DOCK5: variants seen among roughly 807,000 people sequenced by gnomAD.
The protein encoded by DOCK5 is dedicator of cytokinesis protein 5.
In DOCK5, 142 loss-of-function variants were observed where a neutral mutation model predicts 251.8. The observed-to-expected ratio is 0.56, with a 90% CI of 0.49 to 0.65. The LOEUF is 0.65. Among genes scored for constraint, DOCK5 ranks in the 30% least tolerant of loss-of-function variants. The pLI is 0.00. For synonymous variants in DOCK5, 842 were observed against 835.5 expected, an observed-to-expected ratio of 1.01 and a Z score of -0.13; for missense variants, 2,111 against 2,312.3, an observed-to-expected ratio of 0.91 and a Z score of 1.79.
rs1019042321 is a variant in DOCK5 at position 25,225,792 on chromosome 8, C to CA, written c.44-17876dup. 1.3e-5 allele frequency among the ~76,000 whole-genome samples: 2 copies of CA among 151,570 alleles called. 1 individual carries two copies. The highest frequency in any genetic ancestry group is 4.9e-5 in the African/African-American group (2 of 41,176). On this transcript the variant is annotated intron_variant, in intron 1 of 51. Transcript: ENST00000276440. ...TATGCTAAGTGAAATAAGCCAGACA[C>CA]AAAAAAGCACTGTGTGGTTCTACTT...
At position 25,184,826 on chromosome 8, in the gene DOCK5, G is replaced by T. The variant is rs1586208980; in HGVS notation, c.-83G>T. The stretch of plus-strand genomic sequence containing the variant: ...AACATGGCGGAAGCGTCTGGGGCAC[G>T]CAGGAGCGCGGGGCGGCGGCGGCCG... On this transcript the variant is annotated 5_prime_UTR_variant, in exon 1 of 52. Coordinates refer to ENST00000276440, the MANE Select transcript of DOCK5 (RefSeq NM_024940.8). 1.7e-6 allele frequency: 2 copies of T among 1,209,736 alleles called. No individual in the cohort carries two copies. The highest frequency in any genetic ancestry group is 1.6e-5 in the African/African-American group (1 of 63,186). 74.9% of individuals were successfully genotyped at this position (1,209,736 alleles called of 1,614,324 possible).
intron 1 of DOCK5, among the ~76,000 whole-genome samples, chr8:25,207,249 T>A (rs1051708941): frequency 6.6e-6 from 1 of 152,162 alleles, no homozygotes; most frequent in African/African-American, 2.4e-5. Flanking sequence ...TGCCATAGCA[T>A]AGAAGTGCAA....
In DOCK5 at chr8:25,411,139, A is replaced by G. The variant is rs1290345726; in HGVS notation, c.5509-55A>G. 10 of 1,452,266 alleles carry G rather than the reference A, an allele frequency of 6.9e-6. No individual in the cohort carries two copies. In the Admixed American group the frequency reaches 2.0e-4, roughly 29 times the overall value. The allele number at this position is 1,452,266 out of a possible 1,614,324, so 90.0% of individuals were successfully genotyped here. On this transcript the variant is annotated intron_variant, in intron 51 of 51. Transcript: ENST00000276440. ...AATATGAGAAATAGGAGGAGAAGGCAGAATTGGGAAGAAAGCTAAGACCTG... is the reference window on the plus strand; with the variant it reads ...AATATGAGAAATAGGAGGAGAAGGCGGAATTGGGAAGAAAGCTAAGACCTG...
At chr8:25,340,740 G>A in intron 22 of DOCK5, 137 bp from the exon 23 acceptor site, 3 of 714,340 alleles carry the variant, frequency 4.2e-6, no homozygotes, top group Non-Finnish European at 6.9e-6. Context: ...TGAAACTTCA[G>A]ATGACTGGGG....
At chr8:25,375,003 T>C (rs1800939925) in intron 37 of DOCK5, 10 of 1,126,872 alleles carry the variant, frequency 8.9e-6, no homozygotes, top group Non-Finnish European at 1.0e-5. Flanking sequence ...TATAGTACCA[T>C]AGAAGTACTC....
chr8:25,365,023 C>T (rs1042252820), intron 30 of DOCK5, among the ~76,000 whole-genome samples: 1 of 152,184 alleles, frequency 6.6e-6, no homozygotes, highest in African/African-American at 2.4e-5. Context: ...TACACAAATG[C>T]ACATAGACAC....
At chr8:25,297,003 G>A (rs999208835) in intron 7 of DOCK5, among the ~76,000 whole-genome samples, 3 of 152,106 alleles carry the variant, frequency 2.0e-5, no homozygotes, top group African/African-American at 4.8e-5. Context: ...GAAGGAAAAC[G>A]GGGTGGGAGG....
chr8:25,202,872 G>A (rs6986573), intron 1 of DOCK5, among the ~76,000 whole-genome samples: 102,176 of 151,996 alleles, frequency 0.67, 36,030 homozygotes, highest in Non-Finnish European at 0.78. Context: ...GCAATACCCC[G>A]GCAGTTTGTT....
intron 49 of DOCK5, 101 bp from the exon 50 acceptor site, chr8:25,408,701 C>A: frequency 6.9e-7 from 1 of 1,442,342 alleles, no homozygotes; most frequent in Non-Finnish European, 9.5e-7. Flanking sequence ...TCAGTTAAGT[C>A]CTTTTCCAAG....
Position 25,223,460 on chromosome 8 carries a change from G to A in DOCK5, c.44-20214G>A, listed in dbSNP as rs536508477. 1.2e-4 allele frequency among the ~76,000 whole-genome samples: 19 copies of A among 152,294 alleles called. No individual in the cohort carries two copies. In the South Asian group the frequency reaches 2.7e-3, roughly 22 times the overall value. ...CTCTTGAGTATCTGGGACTACAGGCGTGGGCCACCACGCTCAGTTAATTTT... is the reference window on the plus strand; with the variant it reads ...CTCTTGAGTATCTGGGACTACAGGCATGGGCCACCACGCTCAGTTAATTTT... On this transcript the variant is annotated intron_variant, in intron 1 of 51. Transcript: ENST00000276440.
chr8:25,411,712 A>T lies in DOCK5; in HGVS notation c.*414A>T, dbSNP rs1801634901. On this transcript the variant is annotated 3_prime_UTR_variant, in exon 52 of 52. Transcript: ENST00000276440. ...TTATGAAAAGCTGTGCTTGAGACTT[A>T]GGTACTTTTCTCACGTGGACACACT... 6.3e-6 allele frequency: 1 copy of T among 159,310 alleles called. No individual in the cohort carries two copies. Among genetic ancestry groups the T allele is most frequent in the Non-Finnish European group, 1.4e-5 (1 of 73,100 alleles). The allele number at this position is 159,310 out of a possible 1,614,324, so 9.9% of individuals were successfully genotyped here.
intron 1 of DOCK5, among the ~76,000 whole-genome samples, chr8:25,226,968 A>T (rs771828104): frequency 1.3e-5 from 2 of 152,128 alleles, no homozygotes; most frequent in African/African-American, 2.4e-5. Context: ...AAAGGTGACT[A>T]ATTATCTGTG....
chr8:25,190,775 G>GATTTTTTT (rs755511798), intron 1 of DOCK5, among the ~76,000 whole-genome samples: 4 of 53,980 alleles, frequency 7.4e-5, no homozygotes, highest in Non-Finnish European at 1.0e-4. Flanking sequence ...CTTGGTCATG[G>GATTTTTTT]GTTTTTTTTT....
chr8:25,201,080 A>T (rs1324252797), intron 1 of DOCK5, among the ~76,000 whole-genome samples: 1 of 152,002 alleles, frequency 6.6e-6, no homozygotes, highest in Non-Finnish European at 1.5e-5. Flanking sequence ...CTAATTTTTG[A>T]ATTTTTAGTA....
intron 22 of DOCK5, among the ~76,000 whole-genome samples, chr8:25,339,123 T>G (rs1805886420): frequency 6.6e-6 from 1 of 152,140 alleles, no homozygotes; most frequent in African/African-American, 2.4e-5. Flanking sequence ...TAATGGTCAC[T>G]TCAGTGCACT....
intron 40 of DOCK5, among the ~76,000 whole-genome samples, chr8:25,385,347 C>G (rs1378932773): frequency 3.9e-5 from 6 of 152,084 alleles, no homozygotes; most frequent in African/African-American, 1.4e-4. Context: ...AGATGACAGG[C>G]TAGACTCGGG....
intron 10 of DOCK5, among the ~76,000 whole-genome samples, chr8:25,303,195 G>A (rs1372791446): frequency 2.0e-5 from 3 of 152,180 alleles, no homozygotes; most frequent in South Asian, 2.1e-4. Flanking sequence ...CAGACACGCA[G>A]CATTTACTGC....
chr8:25,238,925 T>G (rs1376360507), intron 1 of DOCK5, among the ~76,000 whole-genome samples: 1 of 152,206 alleles, frequency 6.6e-6, no homozygotes, highest in African/African-American at 2.4e-5. Context: ...ATCATAGGGA[T>G]TTCCTTCTAA....
chr8:25,190,497 G>T (rs1801550090), intron 1 of DOCK5, among the ~76,000 whole-genome samples: 1 of 152,104 alleles, frequency 6.6e-6, no homozygotes, highest in African/African-American at 2.4e-5. Flanking sequence ...AGTATCACAG[G>T]CGCTAGTAGT....
Sources: gnomAD v4.1 joint callset for allele counts (sites outside exome capture counted in the v4.1 genomes callset) on GRCh38, gnomAD v4.1.1 for gene constraint, MANE v1.5 for transcripts, NCBI Gene and HGNC (gene_info 2026-07-23, HGNC 2026-07-21) for gene names.